Variants in PPP2R2C observed in about 807,000 individuals in gnomAD.
PPP2R2C encodes the protein protein phosphatase 2 regulatory subunit Bgamma.
Under a neutral mutation model 45.3 loss-of-function variants are expected in PPP2R2C, and 10 were observed. That is an observed-to-expected ratio of 0.22 (90% CI 0.14 to 0.37). PPP2R2C has a LOEUF of 0.37. PPP2R2C is among the 10% of genes least tolerant of loss of function. The pLI is 1.00. For missense variants in PPP2R2C, 308 were observed against 619.7 expected (o/e 0.50, Z 5.34); for synonymous variants, 257 against 245.4 (o/e 1.05, Z -0.44).
At position 6,328,952 on chromosome 4, in the gene PPP2R2C, G is replaced by A. The variant is rs955528409; in HGVS notation, c.1052+310C>T. 6.6e-6 allele frequency among the ~76,000 whole-genome samples: 1 copy of A among 152,232 alleles called. No homozygotes were observed. The highest frequency in any genetic ancestry group is 1.5e-5 in the Non-Finnish European group (1 of 68,036). Reference sequence around the variant, plus strand: ...GGGCTATAGCCCTCGCCCCCGACAAGCTGGGAGAGGGGAGCACATCACCGG... The same window carrying A: ...GGGCTATAGCCCTCGCCCCCGACAAACTGGGAGAGGGGAGCACATCACCGG... On this transcript the variant is annotated intron_variant, in intron 8 of 8. Coordinates refer to ENST00000382599, the MANE Select transcript of PPP2R2C (RefSeq NM_020416.4). The surrounding 1 kb of genome is among the most constrained non-coding windows in gnomAD (Gnocchi z 4.4).
At chr4:6,404,604 C>A (rs1299562937) in intron 1 of PPP2R2C, among the ~76,000 whole-genome samples, 3 of 152,152 alleles carry the variant, frequency 2.0e-5, no homozygotes, top group Non-Finnish European at 4.4e-5. Flanking sequence ...ACCCGAGGGG[C>A]CTGTAGGAAA....
intron 3 of PPP2R2C, among the ~76,000 whole-genome samples, chr4:6,376,141 C>T (rs1715284009): frequency 1.3e-5 from 2 of 152,246 alleles, no homozygotes; most frequent in South Asian, 4.1e-4. Context: ...CCTCCGCAGT[C>T]AGGTGAGCCA....
intron 6 of PPP2R2C, 33 bp from the exon 7 acceptor site, chr4:6,333,764 C>A: frequency 6.2e-7 from 1 of 1,611,954 alleles, no homozygotes; most frequent in South Asian, 1.1e-5. Flanking sequence ...GCCGTCACTG[C>A]GCTGCTCCCG....
rs1711859076 is a variant in PPP2R2C, at chr4:6,345,925, C to T, written c.790+1921G>A. ...TGGATATCTGGCTGCCTACTCGACC[C>T]ATTTCCTTGGAACCCAATACGGGCC... On this transcript the variant is annotated intron_variant, in intron 6 of 8. Coordinates refer to ENST00000382599, the MANE Select transcript of PPP2R2C (RefSeq NM_020416.4). This position sits in a 1 kb window ranked among gnomAD's most constrained non-coding sequence, Gnocchi z 5.3. Among the ~76,000 whole-genome samples the T allele has an allele frequency of 1.3e-5, 2 of 152,184 alleles. No homozygotes were observed. The highest frequency in any genetic ancestry group is 1.9e-4 in the East Asian group (1 of 5,176).
chr4:6,450,940 G>C (rs912389610), intron 1 of PPP2R2C, among the ~76,000 whole-genome samples: 3 of 152,164 alleles, frequency 2.0e-5, no homozygotes, highest in Admixed American at 1.3e-4. Flanking sequence ...AGTCTGGAAT[G>C]ACTCAGGGAC....
At chr4:6,382,318 T>C in intron 1 of PPP2R2C, 4 of 1,289,214 alleles carry the variant, frequency 3.1e-6, no homozygotes, top group African/African-American at 1.5e-5. Flanking sequence ...AAATCTGTGA[T>C]ACCACCTTTA....
chr4:6,377,404 C>G (rs940775719), intron 3 of PPP2R2C, among the ~76,000 whole-genome samples: 1 of 152,064 alleles, frequency 6.6e-6, no homozygotes, highest in Admixed American at 6.5e-5. Context: ...GCCTGTAATC[C>G]CAGCACTTTG....
intron 2 of PPP2R2C, among the ~76,000 whole-genome samples, chr4:6,500,895 C>T (rs1289647643): frequency 6.6e-6 from 1 of 152,228 alleles, no homozygotes; most frequent in East Asian, 1.9e-4. Flanking sequence ...GGAAGAGTGG[C>T]CACATTAACC....
At chr4:6,396,223 C>T (rs1717024547) in intron 1 of PPP2R2C, among the ~76,000 whole-genome samples, 1 of 152,168 alleles carries the variant, frequency 6.6e-6, no homozygotes, top group South Asian at 2.1e-4. Context: ...CTCTTGATGC[C>T]ATGAAGTGCA....
chr4:6,531,123 G>A (rs1027135352), intron 2 of PPP2R2C, among the ~76,000 whole-genome samples: 1 of 152,214 alleles, frequency 6.6e-6, no homozygotes, highest in Non-Finnish European at 1.5e-5. Context: ...GCAAGGGCGG[G>A]TGGGGTTCCA....
chr4:6,546,212 T>C (rs979739032), intron 1 of PPP2R2C, among the ~76,000 whole-genome samples: 1 of 152,102 alleles, frequency 6.6e-6, no homozygotes, highest in African/African-American at 2.4e-5. Flanking sequence ...GCAAAAGGTT[T>C]CAAGTGTGGC....
rs567784046 is a variant in PPP2R2C at position 6,467,892 on chromosome 4, C to A, written c.70+4268G>T. The stretch of plus-strand genomic sequence containing the variant: ...GGTGTCAGATGGCTGCCAGCCACCA[C>A]AAGGTTTCCCTGTTCCCATCACAAG... On this transcript the variant is annotated intron_variant, in intron 1 of 8. Transcript: ENST00000382599. Among the ~76,000 whole-genome samples the A allele has an allele frequency of 3.9e-5, 6 of 152,300 alleles. No individual in the cohort carries two copies. The South Asian group carries it at 1.2e-3, about 32-fold the overall frequency.
intron 1 of PPP2R2C, among the ~76,000 whole-genome samples, chr4:6,410,233 G>C (rs10017964): frequency 0.4 from 60,478 of 152,110 alleles, 12,405 homozygotes; most frequent in East Asian, 0.71. Flanking sequence ...TGCTGGAGTA[G>C]TGGGAGCAGG....
At chr4:6,338,807 C>T (rs1025943188) in intron 6 of PPP2R2C, among the ~76,000 whole-genome samples, 5 of 152,134 alleles carry the variant, frequency 3.3e-5, no homozygotes, top group Admixed American at 6.5e-5. Context: ...CCCCCTGCCT[C>T]CCGTAGCCCC....
At chr4:6,390,916 C>G (rs2240266) in intron 1 of PPP2R2C, among the ~76,000 whole-genome samples, 5 of 151,860 alleles carry the variant, frequency 3.3e-5, no homozygotes, top group African/African-American at 7.3e-5. Context: ...CCTGGTGAGA[C>G]GTTTCCTCCT....
intron 2 of PPP2R2C, among the ~76,000 whole-genome samples, chr4:6,519,093 T>C (rs1280402481): frequency 6.6e-6 from 1 of 152,124 alleles, no homozygotes; most frequent in Non-Finnish European, 1.5e-5. Context: ...CTCCACCATC[T>C]CTTTCAGAAG....
intron 5 of PPP2R2C, chr4:6,348,520 C>T: frequency 2.0e-6 from 1 of 492,046 alleles, no homozygotes; most frequent in South Asian, 8.8e-5. Context: ...CTTCCTGCCC[C>T]CGGCACCTGC....
intron 6 of PPP2R2C, among the ~76,000 whole-genome samples, chr4:6,339,515 C>A (rs1263696720): frequency 6.6e-6 from 1 of 152,244 alleles, no homozygotes; most frequent in African/African-American, 2.4e-5. Flanking sequence ...GCTCTGTGGC[C>A]CTCTTGGTAG....
At chr4:6,556,382 C>G (rs1370787755) in intron 1 of PPP2R2C, among the ~76,000 whole-genome samples, 10 of 152,176 alleles carry the variant, frequency 6.6e-5, no homozygotes, top group Admixed American at 6.5e-4. Flanking sequence ...GATTGGCACT[C>G]ACACCATCGC....
Sources: gnomAD v4.1 joint callset for allele counts (sites outside exome capture counted in the v4.1 genomes callset) on GRCh38, gnomAD v4.1.1 for gene constraint, Gnocchi (gnomAD v3.1) non-coding constraint, MANE v1.5 for transcripts, NCBI Gene and HGNC (gene_info 2026-07-23, HGNC 2026-07-21) for gene names.